Variants in FAF1 observed in about 807,000 individuals in gnomAD.
FAF1 encodes Fas associated factor 1.
In FAF1, 25 loss-of-function variants were observed where a neutral mutation model predicts 92.5. That is an observed-to-expected ratio of 0.27 (90% CI 0.20 to 0.38). The LOEUF (loss-of-function observed/expected upper bound fraction) is 0.38, where lower values mean the gene tolerates loss of function less well. FAF1 is among the 10% of genes least tolerant of loss of function. The pLI is 1.00. For missense variants in FAF1, 636 were observed against 793.3 expected (o/e 0.80, Z 2.38); for synonymous variants, 234 against 273.2 (o/e 0.86, Z 1.42).
At chr1:50,496,269 T>C (rs974937265) in intron 15 of FAF1, among the ~76,000 whole-genome samples, 1 of 152,212 alleles carries the variant, frequency 6.6e-6, no homozygotes, top group Non-Finnish European at 1.5e-5. Context: ...GCTCTACCAA[T>C]AGGTCCTTGT....
At chr1:50,539,800 A>T in intron 13 of FAF1, 72 bp from the exon 14 acceptor site, 1 of 1,082,476 alleles carries the variant, frequency 9.2e-7, no homozygotes, top group Non-Finnish European at 1.4e-6. Context: ...TCAACAAAGA[A>T]CTCATTGTGT....
intron 7 of FAF1, among the ~76,000 whole-genome samples, chr1:50,669,112 T>C (rs982623093): frequency 6.6e-6 from 1 of 152,152 alleles, no homozygotes; most frequent in Non-Finnish European, 1.5e-5. Flanking sequence ...TCAGTGACCC[T>C]ACACTAAATT....
intron 7 of FAF1, among the ~76,000 whole-genome samples, chr1:50,683,320 A>G (rs1435961510): frequency 6.6e-6 from 1 of 152,030 alleles, no homozygotes; most frequent in East Asian, 1.9e-4. Context: ...TGAGGCCAGG[A>G]GTTTGAGACC....
chr1:50,594,843 C>T (rs913667571), intron 9 of FAF1, among the ~76,000 whole-genome samples: 19 of 148,032 alleles, frequency 1.3e-4, no homozygotes, highest in South Asian at 2.2e-4. Context: ...TGCACTCCAA[C>T]CTGGGCAACA....
At chr1:50,556,348 G>A (rs1224477976) in intron 13 of FAF1, among the ~76,000 whole-genome samples, 2 of 151,952 alleles carry the variant, frequency 1.3e-5, no homozygotes, top group African/African-American at 2.4e-5. Flanking sequence ...TTATGCAGGG[G>A]CCTATAGAGA....
intron 6 of FAF1, among the ~76,000 whole-genome samples, chr1:50,729,567 C>T (rs969137659): frequency 3.7e-4 from 56 of 151,794 alleles, no homozygotes; most frequent in Admixed American, 3.6e-3. Context: ...CCACCATACC[C>T]GGCTAATTAC....
chr1:50,910,828 C>A (rs1322096448), intron 1 of FAF1, among the ~76,000 whole-genome samples: 1 of 152,092 alleles, frequency 6.6e-6, no homozygotes, highest in Non-Finnish European at 1.5e-5. Flanking sequence ...CCTTGTGCTT[C>A]CCGGGTGAGG....
intron 3 of FAF1, among the ~76,000 whole-genome samples, chr1:50,796,357 G>A (rs796329943): frequency 6.0e-5 from 9 of 151,108 alleles, no homozygotes; most frequent in African/African-American, 9.7e-5. Context: ...TTTTTTTTAC[G>A]GCACCTTTTC....
intron 5 of FAF1, among the ~76,000 whole-genome samples, chr1:50,743,520 G>T (rs1659470154): frequency 2.6e-5 from 4 of 151,594 alleles, no homozygotes; most frequent in Non-Finnish European, 2.9e-5. Flanking sequence ...TAGAGATGGG[G>T]TTTTACCATG....
chr1:50,830,736 CTGAAGAACATAAAAAGGAATGT>C (rs1362789821), intron 2 of FAF1, among the ~76,000 whole-genome samples: 1 of 150,346 alleles, frequency 6.7e-6, no homozygotes, highest in East Asian at 1.9e-4. Context: ...TAAAACTTTA[CTGAAGAACATAAAAAGGAATGT>C]TGAAAAAAAT....
chr1:50,840,170 T>C (rs761080214), intron 2 of FAF1, among the ~76,000 whole-genome samples: 8 of 151,958 alleles, frequency 5.3e-5, no homozygotes, highest in South Asian at 2.1e-4. Context: ...GAAGAAAACA[T>C]AGGAAAAAAT....
intron 1 of FAF1, among the ~76,000 whole-genome samples, chr1:50,958,512 C>T (rs1398603415): frequency 6.6e-6 from 1 of 151,944 alleles, no homozygotes; most frequent in Middle Eastern, 3.2e-3. Flanking sequence ...CCTGTCTCTA[C>T]TAAAAATACA....
intron 2 of FAF1, among the ~76,000 whole-genome samples, chr1:50,831,526 C>T (rs1194478043): frequency 6.6e-6 from 1 of 152,120 alleles, no homozygotes; most frequent in Non-Finnish European, 1.5e-5. Flanking sequence ...TCTACACCGT[C>T]CCCTTGTACA....
chr1:50,510,165 C>CAAA (rs34071985), intron 15 of FAF1, among the ~76,000 whole-genome samples: 1 of 60,938 alleles, frequency 1.6e-5, no homozygotes, highest in African/African-American at 6.3e-5. Flanking sequence ...GACTCTGTCT[C>CAAA]AAAAAAAAAA....
chr1:50,719,733 T>C (rs1658329469), intron 6 of FAF1, among the ~76,000 whole-genome samples: 2 of 152,200 alleles, frequency 1.3e-5, no homozygotes, highest in South Asian at 4.1e-4. Flanking sequence ...TCAATTTTTG[T>C]TTCCTAGAGT....
intron 8 of FAF1, among the ~76,000 whole-genome samples, chr1:50,617,807 A>G (rs1471976273): frequency 6.6e-6 from 1 of 150,850 alleles, no homozygotes; most frequent in Non-Finnish European, 1.5e-5. Context: ...TTGGTTGGCA[A>G]GTTTTTTATT....
At chr1:50,630,826 A>ATTTTTTTTTTTTTTTTTTTT (rs1471050080) in intron 8 of FAF1, among the ~76,000 whole-genome samples, 2 of 125,336 alleles carry the variant, frequency 1.6e-5, no homozygotes, top group African/African-American at 6.3e-5. Flanking sequence ...AGTGTATCAT[A>ATTTTTTTTTTTTTTTTTTTT]TCTTTTTTTT....
At chr1:50,533,884 TTGAGA>T (rs1648320315) in intron 15 of FAF1, among the ~76,000 whole-genome samples, 2 of 152,196 alleles carry the variant, frequency 1.3e-5, no homozygotes, top group African/African-American at 4.8e-5. Flanking sequence ...TAATGACTTC[TTGAGA>T]TAATTATTTA....
chr1:50,782,286 C>T (rs1661206770), intron 4 of FAF1, among the ~76,000 whole-genome samples: 1 of 151,828 alleles, frequency 6.6e-6, no homozygotes, highest in African/African-American at 2.4e-5. Flanking sequence ...TCTGTTACTG[C>T]CTCTGAAAAC....
Sources: allele counts gnomAD v4.1 joint callset (sites outside exome capture counted in the v4.1 genomes callset), GRCh38; gene constraint gnomAD v4.1.1; transcripts MANE v1.5; gene names NCBI Gene and HGNC (gene_info 2026-07-23, HGNC 2026-07-21).